Variants in MSRA observed in about 807,000 individuals in gnomAD.
The protein encoded by MSRA is mitochondrial peptide methionine sulfoxide reductase.
A neutral mutation model predicts 31.3 loss-of-function variants in MSRA; 54 were observed. The ratio of observed to expected loss-of-function variants is 1.73; its 90% confidence interval spans 1.39 to 2.17. The LOEUF (loss-of-function observed/expected upper bound fraction) is 2.17, where lower values mean the gene tolerates loss of function less well. MSRA is among the 30% of genes most tolerant of loss of function. The pLI is 0.00. For missense variants in MSRA, 507 were observed against 300.9 expected (o/e 1.69, Z -5.07); for synonymous variants, 169 against 116.5 (o/e 1.45, Z -2.90).
At chr8:10,267,439 A>G (rs925043530) in intron 3 of MSRA, among the ~76,000 whole-genome samples, 1 of 152,020 alleles carries the variant, frequency 6.6e-6, no homozygotes, top group East Asian at 1.9e-4. Flanking sequence ...TTCTTCCCCC[A>G]GTTCTTGTCC....
chr8:10,221,142 G>T (rs922579344), intron 2 of MSRA, among the ~76,000 whole-genome samples: 1 of 152,128 alleles, frequency 6.6e-6, no homozygotes, highest in South Asian at 2.1e-4. Flanking sequence ...AATGAGAGCC[G>T]CCTTCCCGAG....
intron 3 of MSRA, among the ~76,000 whole-genome samples, chr8:10,278,536 A>G (rs1262207297): frequency 6.6e-6 from 1 of 152,228 alleles, no homozygotes; most frequent in Non-Finnish European, 1.5e-5. Flanking sequence ...AGCCCATCAG[A>G]TGGACGGAGA....
intron 1 of MSRA, among the ~76,000 whole-genome samples, chr8:10,084,559 A>G (rs1220887092): frequency 6.6e-6 from 1 of 152,220 alleles, no homozygotes; most frequent in Non-Finnish European, 1.5e-5. Flanking sequence ...CCAACCCTGA[A>G]ATTTATTACT....
At position 10,359,016 on chromosome 8, in the gene MSRA, C is replaced by T. The variant is rs79652897; in HGVS notation, c.543+39027C>T. ...AAACAGTTTGATCCCAAAAACATTC[C>T]CTTATCCCCCCATCCCGATCCCCAC... On this transcript the variant is annotated intron_variant, in intron 5 of 5. Transcript: ENST00000317173. Among the ~76,000 whole-genome samples the T allele has an allele frequency of 9.1e-3, 1,381 of 152,210 alleles. 22 individuals carry two copies. Among genetic ancestry groups the T allele is most frequent in the African/African-American group, 0.032 (1,316 of 41,516 alleles).
At chr8:10,424,314 C>T (rs1000672191) in intron 5 of MSRA, among the ~76,000 whole-genome samples, 5 of 152,004 alleles carry the variant, frequency 3.3e-5, no homozygotes, top group African/African-American at 4.8e-5. Flanking sequence ...GTGAGGGAGA[C>T]GATGCTGAGG....
chr8:10,054,688 C>A (rs773496039), intron 1 of MSRA, 30 bp downstream of exon 1: 2 of 1,484,414 alleles, frequency 1.3e-6, no homozygotes, highest in Non-Finnish European at 1.8e-6. Flanking sequence ...AAGGCGCGGG[C>A]GGCGACGCTG....
At chr8:10,068,948 A>G (rs1797598049) in intron 1 of MSRA, among the ~76,000 whole-genome samples, 1 of 152,148 alleles carries the variant, frequency 6.6e-6, no homozygotes, top group African/African-American at 2.4e-5. Context: ...ATTTAGATAT[A>G]TTTCTTTCAT....
intron 3 of MSRA, among the ~76,000 whole-genome samples, chr8:10,257,176 G>A (rs1385320448): frequency 6.6e-6 from 1 of 152,062 alleles, no homozygotes; most frequent in African/African-American, 2.4e-5. Context: ...GGGGTGGCCA[G>A]GAATGGGCAC....
intron 3 of MSRA, among the ~76,000 whole-genome samples, chr8:10,263,218 G>A (rs903967154): frequency 5.3e-5 from 8 of 152,192 alleles, no homozygotes; most frequent in Non-Finnish European, 1.0e-4. Flanking sequence ...ACCCCCAAAC[G>A]AAGTTGCCTT....
intron 5 of MSRA, among the ~76,000 whole-genome samples, chr8:10,425,026 G>C (rs117382880): frequency 6.6e-6 from 1 of 152,224 alleles, no homozygotes; most frequent in Non-Finnish European, 1.5e-5. Context: ...TGACTTGCAA[G>C]TGAGGCAGCG....
chr8:10,261,320 G>A (rs1023449617), intron 3 of MSRA, among the ~76,000 whole-genome samples: 9 of 151,576 alleles, frequency 5.9e-5, no homozygotes, highest in African/African-American at 2.2e-4. Context: ...CACTATGCTA[G>A]GGACCGGATA....
intron 1 of MSRA, among the ~76,000 whole-genome samples, chr8:10,207,299 T>C (rs1809083052): frequency 6.6e-6 from 1 of 152,204 alleles, no homozygotes; most frequent in Admixed American, 6.5e-5. Context: ...TTAAGGAGGC[T>C]GGTGTCTTTG....
intron 1 of MSRA, among the ~76,000 whole-genome samples, chr8:10,169,709 T>A (rs1805436106): frequency 6.6e-6 from 1 of 152,236 alleles, no homozygotes; most frequent in South Asian, 2.1e-4. Context: ...GCATTTCATT[T>A]TGTCTGATGC....
intron 5 of MSRA, among the ~76,000 whole-genome samples, chr8:10,402,354 C>T (rs1807518286): frequency 1.3e-5 from 2 of 152,254 alleles, no homozygotes; most frequent in South Asian, 4.1e-4. Flanking sequence ...CGTGACAGGC[C>T]TCTGATGCTG....
At chr8:10,142,083 C>T (rs776743192) in intron 1 of MSRA, among the ~76,000 whole-genome samples, 5 of 152,130 alleles carry the variant, frequency 3.3e-5, no homozygotes, top group Admixed American at 6.5e-5. Context: ...CTCAGACTGC[C>T]GAGTAGCTGG....
intron 1 of MSRA, among the ~76,000 whole-genome samples, chr8:10,165,003 G>A (rs1804991735): frequency 6.6e-6 from 1 of 152,124 alleles, no homozygotes; most frequent in Non-Finnish European, 1.5e-5. Flanking sequence ...ACTCCACCCT[G>A]GGCGACAGAG....
At chr8:10,183,982 TTGC>T (rs922853079) in intron 1 of MSRA, among the ~76,000 whole-genome samples, 1 of 4,856 alleles carries the variant, frequency 2.1e-4, no homozygotes, top group African/African-American at 4.6e-4. Flanking sequence ...GACAGTAGTG[TTGC>T]TGGTTTTCTT....
chr8:10,273,680 A>G (rs1207791346), intron 3 of MSRA, among the ~76,000 whole-genome samples: 2 of 152,180 alleles, frequency 1.3e-5, no homozygotes, highest in Non-Finnish European at 2.9e-5. Flanking sequence ...ACTTTTCAGT[A>G]AATCAACACT....
chr8:10,314,146 T>G (rs2129133867), intron 4 of MSRA, among the ~76,000 whole-genome samples: 1 of 152,164 alleles, frequency 6.6e-6, no homozygotes, highest in East Asian at 1.9e-4. Context: ...ATTTGACAAA[T>G]TTAACTATAT....
Sources: gnomAD v4.1 joint callset for allele counts (sites outside exome capture counted in the v4.1 genomes callset) on GRCh38, gnomAD v4.1.1 for gene constraint, MANE v1.5 for transcripts, NCBI Gene and HGNC (gene_info 2026-07-23, HGNC 2026-07-21) for gene names.